Variants in CDH18 observed in about 807,000 individuals in gnomAD.
CDH18 encodes the protein cadherin 18.
CDH18 carries 31 observed loss-of-function variants against 67.9 expected under a neutral mutation model. That is an observed-to-expected ratio of 0.46 (90% CI 0.34 to 0.62). The LOEUF is 0.62. Ranked by LOEUF, CDH18 falls within the 20% of genes least tolerant of loss-of-function variation. The pLI is 0.01. For missense variants in CDH18, 890 were observed against 975.5 expected, an observed-to-expected ratio of 0.91 and a Z score of 1.17; for synonymous variants, 362 against 347.2, an observed-to-expected ratio of 1.04 and a Z score of -0.48.
At chr5:20,246,839 AATT>A (rs1743417487) in intron 2 of CDH18, among the ~76,000 whole-genome samples, 1 of 152,312 alleles carries the variant, frequency 6.6e-6, no homozygotes, top group Non-Finnish European at 1.5e-5. Flanking sequence ...TCACATAATA[AATT>A]GGTTTGAAAT....
intron 7 of CDH18, among the ~76,000 whole-genome samples, chr5:19,587,161 C>T (rs1000728680): frequency 6.6e-6 from 1 of 151,988 alleles, no homozygotes; most frequent in African/African-American, 2.4e-5. Context: ...TGTATGTTGT[C>T]TGTTTAACCT....
intron 2 of CDH18, among the ~76,000 whole-genome samples, chr5:20,153,585 T>C (rs1326146730): frequency 1.3e-5 from 2 of 152,146 alleles, no homozygotes; most frequent in Non-Finnish European, 2.9e-5. Flanking sequence ...CTGGGTGGCT[T>C]AAAAAATATA....
intron 2 of CDH18, among the ~76,000 whole-genome samples, chr5:19,854,946 T>G (rs542208868): frequency 6.6e-6 from 1 of 150,936 alleles, no homozygotes; most frequent in Admixed American, 6.6e-5. Flanking sequence ...TCAGTTTTGT[T>G]TTTTTTTTTC....
intron 2 of CDH18, among the ~76,000 whole-genome samples, chr5:20,159,848 T>A (rs780527913): frequency 6.6e-6 from 1 of 152,182 alleles, no homozygotes; most frequent in Admixed American, 6.5e-5. Context: ...AAGGCAAGCC[T>A]ACTGCAATGC....
At chr5:19,713,087 T>C (rs1380458937) in intron 5 of CDH18, among the ~76,000 whole-genome samples, 1 of 95,364 alleles carries the variant, frequency 1.0e-5, no homozygotes, top group Non-Finnish European at 2.1e-5. Context: ...CGCTATTGGC[T>C]AAACAATAAT....
At chr5:20,220,213 C>T (rs1741115449) in intron 2 of CDH18, among the ~76,000 whole-genome samples, 1 of 151,932 alleles carries the variant, frequency 6.6e-6, no homozygotes, top group African/African-American at 2.4e-5. Flanking sequence ...TGTTACCTGA[C>T]ATCAAATTAT....
chr5:19,573,255 T>C (rs937513217), intron 7 of CDH18, among the ~76,000 whole-genome samples: 6 of 151,754 alleles, frequency 4.0e-5, no homozygotes, highest in African/African-American at 7.3e-5. Flanking sequence ...AAATAACTAA[T>C]ACCTATCTTG....
At chr5:20,455,859 C>T (rs1750802503) in intron 1 of CDH18, among the ~76,000 whole-genome samples, 1 of 151,966 alleles carries the variant, frequency 6.6e-6, no homozygotes, top group South Asian at 2.1e-4. Context: ...CTTTCACTTC[C>T]TACTTAAATT....
At chr5:20,556,844 T>C (rs10043262) in intron 1 of CDH18, among the ~76,000 whole-genome samples, 3,518 of 152,300 alleles carry the variant, frequency 0.023, 125 homozygotes, top group African/African-American at 0.08. Context: ...GATTTTGTTC[T>C]CTTAACTATG....
At chr5:20,260,331 T>G (rs2126630251) in intron 1 of CDH18, among the ~76,000 whole-genome samples, 1 of 151,946 alleles carries the variant, frequency 6.6e-6, no homozygotes, top group East Asian at 2.0e-4. Context: ...TTGGGAGAGT[T>G]GGGGGGCAAT....
At chr5:19,638,977 G>GTTTTTTTTTTTTTTTTTTTTTTTTTTT (rs34631530) in intron 5 of CDH18, among the ~76,000 whole-genome samples, 12 of 54,716 alleles carry the variant, frequency 2.2e-4, no homozygotes, top group African/African-American at 3.7e-4. Flanking sequence ...TTTTGTTGCT[G>GTTTTTTTTTTTTTTTTTTTTTTTTTTT]TTTTTTTTTT....
chr5:19,604,530 AACACACACACAC>A (rs4002268), intron 6 of CDH18, among the ~76,000 whole-genome samples: 7,929 of 144,946 alleles, frequency 0.055, 269 homozygotes, highest in Non-Finnish European at 0.073. Context: ...TTCAAATTAA[AACACACACACAC>A]ACACACACAC....
At chr5:20,100,443 T>C (rs1445288608) in intron 2 of CDH18, among the ~76,000 whole-genome samples, 1 of 152,218 alleles carries the variant, frequency 6.6e-6, no homozygotes, top group East Asian at 1.9e-4. Flanking sequence ...ACTGCAGTTA[T>C]ATTTGCACCA....
At chr5:20,307,291 T>TA (rs1736552428) in intron 1 of CDH18, among the ~76,000 whole-genome samples, 2 of 151,956 alleles carry the variant, frequency 1.3e-5, no homozygotes, top group African/African-American at 4.8e-5. Flanking sequence ...TTTTTTTTTT[T>TA]AAATAACATT....
At chr5:19,795,215 C>T (rs1007314507) in intron 3 of CDH18, among the ~76,000 whole-genome samples, 10 of 152,030 alleles carry the variant, frequency 6.6e-5, no homozygotes, top group Non-Finnish European at 1.2e-4. Context: ...TATGAGACTT[C>T]CTTTATCACT....
chr5:19,508,668 A>G (rs891454261), intron 10 of CDH18, among the ~76,000 whole-genome samples: 4 of 152,176 alleles, frequency 2.6e-5, no homozygotes, highest in African/African-American at 9.6e-5. Flanking sequence ...TATACTTTCA[A>G]TTGTCTGTTA....
intron 2 of CDH18, among the ~76,000 whole-genome samples, chr5:19,941,798 A>G (rs1395747375): frequency 6.6e-6 from 1 of 151,972 alleles, no homozygotes; most frequent in Non-Finnish European, 1.5e-5. Flanking sequence ...CAAAAAAAAC[A>G]AAAAACAAAA....
chr5:19,655,250 A>G (rs183634724), intron 5 of CDH18, among the ~76,000 whole-genome samples: 19 of 152,272 alleles, frequency 1.2e-4, no homozygotes, highest in Admixed American at 9.8e-4. Context: ...ACATGTATCT[A>G]TATACACACA....
intron 1 of CDH18, among the ~76,000 whole-genome samples, chr5:20,442,513 C>T (rs1435878117): frequency 6.6e-6 from 1 of 151,764 alleles, no homozygotes; most frequent in Non-Finnish European, 1.5e-5. Context: ...TTAAGTGGTG[C>T]GCTAATGGCA....
Sources: allele counts gnomAD v4.1 joint callset (sites outside exome capture counted in the v4.1 genomes callset), GRCh38; gene constraint gnomAD v4.1.1; transcripts MANE v1.5; gene names NCBI Gene and HGNC (gene_info 2026-07-23, HGNC 2026-07-21).